The following MAP3K8 variants were observed in gnomAD, a reference collection of about 807,000 sequenced individuals.
The protein encoded by MAP3K8 is Ewing sarcoma transformant.
MAP3K8 carries 22 observed loss-of-function variants against 45.8 expected under a neutral mutation model. That is an observed-to-expected ratio of 0.48 (90% confidence interval 0.34 to 0.69). The LOEUF (loss-of-function observed/expected upper bound fraction) is 0.69. MAP3K8 is among the 30% of genes least tolerant of loss of function. The pLI is 0.01. For synonymous variants in MAP3K8, 223 were observed against 214.3 expected, an observed-to-expected ratio of 1.04 and a Z score of -0.36; for missense variants, 419 against 585.0, an observed-to-expected ratio of 0.72 and a Z score of 2.93.
Position 30,460,768 on chromosome 10 carries a change from A to G in MAP3K8, c.1336A>G (p.Ile446Val), listed in dbSNP as rs551035154. ...GCTCAAGAGGCAACGCTCTCTCTAC[A>G]TCGACCTCGGCGCTCTGGCTGGCTA... ...EMLKRQRSLY[I>V]DLGALAGYFN... Residue 446 changes from isoleucine (I) to valine (V), a missense_variant, in exon 9 of 9, where the codon ATC (isoleucine) becomes GTC (valine). Physicochemically the swap from Ile to Val is conservative, Grantham distance 29 (BLOSUM62 3). This residue lies in a region of MAP3K8 where 108 missense variants were observed against 124.2 expected (regional missense o/e 0.87). Coordinates refer to ENST00000263056, the MANE Select transcript of MAP3K8 (RefSeq NM_005204.4). The G allele has an allele frequency of 1.9e-6, 3 of 1,614,068 alleles. No homozygotes were observed. Among genetic ancestry groups the G allele is most frequent in the African/African-American group, 1.3e-5 (1 of 75,058 alleles).
chr10:30,447,687 A>T (rs1836388119), intron 3 of MAP3K8, 95 bp from the exon 4 acceptor site: 2 of 877,588 alleles, frequency 2.3e-6, no homozygotes, highest in Non-Finnish European at 3.8e-6. Flanking sequence ...GTGTATCAGA[A>T]TGCTGCTAAA....
intron 3 of MAP3K8, among the ~76,000 whole-genome samples, chr10:30,447,379 T>C (rs1239227938): frequency 6.6e-6 from 1 of 152,208 alleles, no homozygotes; most frequent in Non-Finnish European, 1.5e-5. Flanking sequence ...CATGTGTGAG[T>C]AATAGCTATG....
intron 1 of MAP3K8, among the ~76,000 whole-genome samples, chr10:30,435,746 G>A (rs1309124501): frequency 1.3e-5 from 2 of 152,188 alleles, no homozygotes; most frequent in African/African-American, 2.4e-5. Context: ...GTTTCACCAT[G>A]TTGGCCAGGC....
At chr10:30,444,058 C>T (rs1012559058) in intron 3 of MAP3K8, among the ~76,000 whole-genome samples, 1 of 151,802 alleles carries the variant, frequency 6.6e-6, no homozygotes, top group Non-Finnish European at 1.5e-5. Context: ...GGTGAGGTGG[C>T]ACACACGTGT....
intron 3 of MAP3K8, among the ~76,000 whole-genome samples, chr10:30,444,206 T>G (rs939044202): frequency 4.0e-5 from 6 of 151,094 alleles, no homozygotes; most frequent in Non-Finnish European, 7.4e-5. Context: ...AAAAAAAATT[T>G]ATACGGGCCC....
At chr10:30,449,673 C>T (rs548913299) in intron 4 of MAP3K8, among the ~76,000 whole-genome samples, 5 of 152,100 alleles carry the variant, frequency 3.3e-5, no homozygotes, top group African/African-American at 1.2e-4. Flanking sequence ...CAATGCCTGG[C>T]AAATTTTTGT....
At chr10:30,440,867 A>T (rs900764286) in intron 3 of MAP3K8, among the ~76,000 whole-genome samples, 7 of 152,222 alleles carry the variant, frequency 4.6e-5, no homozygotes, top group Non-Finnish European at 8.8e-5. Context: ...GCAGAAAAAA[A>T]ACCAAAGTAT....
chr10:30,438,836 A>G (rs1044570279), intron 2 of MAP3K8, 80 bp from the exon 3 acceptor site: 1 of 750,028 alleles, frequency 1.3e-6, no homozygotes, highest in Non-Finnish European at 2.1e-6. Context: ...CCTGTTGCCA[A>G]TCCTTGTATG....
intron 3 of MAP3K8, among the ~76,000 whole-genome samples, chr10:30,442,025 A>G (rs1433153280): frequency 6.6e-6 from 1 of 152,234 alleles, no homozygotes; most frequent in Non-Finnish European, 1.5e-5. Context: ...TATATGATGT[A>G]TCTACATAGG....
At chr10:30,459,996 C>A (rs1363777047) in intron 8 of MAP3K8, among the ~76,000 whole-genome samples, 1 of 152,104 alleles carries the variant, frequency 6.6e-6, no homozygotes, top group Admixed American at 6.6e-5. Context: ...GTGCCCACCA[C>A]CACGTCTGGC....
In MAP3K8 at chr10:30,447,906, T is replaced by G; in HGVS notation, c.461T>G (p.Leu154Trp). ...CGGGGCGCCTTTGGAAAGGTATACT[T>G]GGCACAAGATATAAAGACGAAGAAA... Reference protein sequence around the residue: ...IPRGAFGKVYLAQDIKTKKRM... With the variant: ...IPRGAFGKVYWAQDIKTKKRM... The change falls in exon 4 of 9, where the codon TTG becomes TGG. Residue 154 changes from leucine to tryptophan, a missense_variant. Leu to Trp is a moderately conservative substitution (Grantham distance 61). This residue lies in a region of MAP3K8 where 209 missense variants were observed against 367.3 expected (regional missense o/e 0.57). Transcript: ENST00000263056. 1 of 1,613,210 alleles carries G rather than the reference T, an allele frequency of 6.2e-7. No individual in the cohort carries two copies. The highest frequency in any genetic ancestry group is 8.5e-7 in the Non-Finnish European group (1 of 1,179,820).
At chr10:30,452,073 C>G (rs1836559452) in intron 6 of MAP3K8, among the ~76,000 whole-genome samples, 1 of 151,992 alleles carries the variant, frequency 6.6e-6, no homozygotes, top group Admixed American at 6.6e-5. Flanking sequence ...GTGGCTAATG[C>G]CTGTAATCCC....
chr10:30,460,215 A>G (rs1162856654), intron 8 of MAP3K8, among the ~76,000 whole-genome samples: 1 of 152,172 alleles, frequency 6.6e-6, no homozygotes, highest in Admixed American at 6.5e-5. Context: ...CAGATAAAAT[A>G]CTCAGTTTGA....
rs147615870 is a variant in MAP3K8, at chr10:30,439,559, G to C, written c.336+285G>C. On this transcript the variant is annotated intron_variant, in intron 3 of 8. Transcript: ENST00000263056. ...GTGCAGGGGCTCACGCCTGTAATCC[G>C]CGCACTTGGAGAGGCCGAGGTGGGT... 3,444 of 614,188 alleles carry C rather than the reference G, an allele frequency of 5.6e-3. 102 individuals are homozygous for C. The highest frequency in any genetic ancestry group is 0.055 in the African/African-American group (3,019 of 54,434). The allele number at this position is 614,188 out of a possible 1,614,324, so 38.0% of individuals were successfully genotyped here.
intron 1 of MAP3K8, chr10:30,434,781 C>T (rs1176052935): frequency 3.0e-6 from 3 of 985,116 alleles, no homozygotes; most frequent in Non-Finnish European, 3.6e-6. Flanking sequence ...AGGACCCGAT[C>T]CTCCCAAATG....
chr10:30,438,820 TA>T, intron 2 of MAP3K8, 95 bp from the exon 3 acceptor site: 1 of 681,272 alleles, frequency 1.5e-6, no homozygotes, highest in Non-Finnish European at 2.4e-6. Flanking sequence ...CAAAAGCATA[TA>T]AAATCCTGTT....
At chr10:30,458,271 G>GA (rs1554774871) in intron 7 of MAP3K8, 35 bp downstream of exon 7, 1 of 1,367,058 alleles carries the variant, frequency 7.3e-7, no homozygotes, top group Non-Finnish European at 9.7e-7. Context: ...GGGGCGGCGG[G>GA]GGGGGGCGTT....
At position 30,438,986 on chromosome 10, in the gene MAP3K8, A is replaced by G; in HGVS notation, c.48A>G (p.Leu16=). 6.2e-7 allele frequency: 1 copy of G among 1,612,556 alleles called. No individual in the cohort carries two copies. The highest frequency in any genetic ancestry group is 8.5e-7 in the Non-Finnish European group (1 of 1,178,672). The change falls in exon 3 of 9, where the codon TTA becomes TTG. Residue 16 remains leucine (L), a synonymous_variant. Coordinates refer to ENST00000263056, the MANE Select transcript of MAP3K8 (RefSeq NM_005204.4). ...TGSDNKEEID[L]LIKHLNVSDV... The stretch of plus-strand genomic sequence containing the variant: ...GTGACAATAAAGAAGAGATTGATTT[A>G]TTAATTAAACATTTAAATGTGTCTG...
Position 30,438,968 on chromosome 10 carries a change from T to C in MAP3K8, c.30T>C (p.Asn10=). The C allele has an allele frequency of 6.2e-7, 1 of 1,611,490 alleles. No individual in the cohort carries two copies. Among genetic ancestry groups the C allele is most frequent in the Non-Finnish European group, 8.5e-7 (1 of 1,177,994 alleles). MEYMSTGSD[N]KEEIDLLIKH... The stretch of plus-strand genomic sequence containing the variant: ...AGTACATGAGCACTGGAAGTGACAA[T>C]AAAGAAGAGATTGATTTATTAATTA... The change falls in exon 3 of 9, where the codon AAT becomes AAC. Residue 10 remains asparagine (N), a synonymous_variant. Coordinates refer to ENST00000263056, the MANE Select transcript of MAP3K8 (RefSeq NM_005204.4).
Sources: gnomAD v4.1 joint callset for allele counts (sites outside exome capture counted in the v4.1 genomes callset) on GRCh38, gnomAD v4.1.1 for gene constraint, gnomAD v4.1.1 regional missense constraint, MANE v1.5 for transcripts, NCBI Gene and HGNC (gene_info 2026-07-23, HGNC 2026-07-21) for gene names.